The following FGF14 variants were observed in gnomAD, a reference collection of about 807,000 sequenced individuals.
The protein encoded by FGF14 is fibroblast growth factor homologous factor 4.
Under a neutral mutation model 25.5 loss-of-function variants are expected in FGF14, and 5 were observed. The observed-to-expected ratio is 0.20, with a 90% CI of 0.10 to 0.41. FGF14 has a LOEUF of 0.41. Ranked by LOEUF, FGF14 falls within the 10% of genes least tolerant of loss-of-function variation. The pLI is 1.00. For synonymous variants in FGF14, 138 were observed against 118.3 expected, an observed-to-expected ratio of 1.17 and a Z score of -1.08; for missense variants, 222 against 320.1, an observed-to-expected ratio of 0.69 and a Z score of 2.34.
chr13:102,148,051 A>G (rs1366047962), intron 1 of FGF14, among the ~76,000 whole-genome samples: 4 of 152,202 alleles, frequency 2.6e-5, no homozygotes, highest in Non-Finnish European at 5.9e-5. Context: ...ATCTGAATTA[A>G]AATGTTTTGC....
At chr13:102,297,375 G>C (rs1306989542) in intron 1 of FGF14, among the ~76,000 whole-genome samples, 1 of 152,052 alleles carries the variant, frequency 6.6e-6, no homozygotes, top group Non-Finnish European at 1.5e-5. Flanking sequence ...AACTGGAACA[G>C]GAAAAGGACA....
intron 3 of FGF14, among the ~76,000 whole-genome samples, chr13:101,804,818 G>T (rs374252820): frequency 1.3e-5 from 2 of 151,904 alleles, no homozygotes; most frequent in African/African-American, 2.4e-5. Flanking sequence ...GAATTGTTTC[G>T]CATTTAAGAA....
intron 1 of FGF14, among the ~76,000 whole-genome samples, chr13:102,158,022 C>G (rs1402533251): frequency 6.6e-6 from 1 of 152,158 alleles, no homozygotes; most frequent in African/African-American, 2.4e-5. Flanking sequence ...CAGGAAAAAG[C>G]AGGTGCTGGA....
chr13:101,963,226 C>T (rs569688289), intron 1 of FGF14, among the ~76,000 whole-genome samples: 3 of 152,344 alleles, frequency 2.0e-5, no homozygotes, highest in South Asian at 2.1e-4. Context: ...ACGATTGCTT[C>T]GTGTTTTCAC....
intron 1 of FGF14, among the ~76,000 whole-genome samples, chr13:101,915,273 G>A (rs1268061578): frequency 6.6e-6 from 1 of 152,066 alleles, no homozygotes; most frequent in African/African-American, 2.4e-5. Context: ...TCATCAATTT[G>A]CAAATGTAAG....
chr13:102,297,022 T>C (rs559800809), intron 1 of FGF14, among the ~76,000 whole-genome samples: 9 of 152,142 alleles, frequency 5.9e-5, no homozygotes, highest in Admixed American at 1.3e-4. Context: ...AAAAAAGTAA[T>C]TTTACAGTGG....
chr13:101,887,898 C>T (rs938651309), intron 1 of FGF14, among the ~76,000 whole-genome samples: 6 of 152,064 alleles, frequency 3.9e-5, no homozygotes, highest in Admixed American at 2.0e-4. Flanking sequence ...AAAATGCTTG[C>T]TATAGATACA....
chr13:102,090,666 C>A (rs150418829), intron 1 of FGF14, among the ~76,000 whole-genome samples: 1 of 152,208 alleles, frequency 6.6e-6, no homozygotes, highest in South Asian at 2.1e-4. Context: ...GTGCCTTTTT[C>A]GCTTTCAGAA....
intron 1 of FGF14, among the ~76,000 whole-genome samples, chr13:102,371,505 G>A (rs2057883003): frequency 6.6e-6 from 1 of 152,076 alleles, no homozygotes; most frequent in Admixed American, 6.5e-5. Flanking sequence ...ACCTCCATCA[G>A]ACTACTTTTT....
At chr13:102,151,417 C>A (rs1266960737) in intron 1 of FGF14, among the ~76,000 whole-genome samples, 2 of 152,104 alleles carry the variant, frequency 1.3e-5, no homozygotes, top group Non-Finnish European at 2.9e-5. Context: ...ATTTTAAAAG[C>A]CCCCTACTCC....
At chr13:102,098,737 G>A (rs1188267209) in intron 1 of FGF14, among the ~76,000 whole-genome samples, 3 of 152,164 alleles carry the variant, frequency 2.0e-5, no homozygotes, top group African/African-American at 2.4e-5. Context: ...TTTTGGAGAG[G>A]ACCTATCAGG....
chr13:102,285,685 C>T (rs1216439695), intron 1 of FGF14, among the ~76,000 whole-genome samples: 1 of 152,136 alleles, frequency 6.6e-6, no homozygotes, highest in Non-Finnish European at 1.5e-5. Context: ...ATCTTGATGC[C>T]TTTTAATACA....
chr13:102,109,865 C>G (rs952078566), intron 1 of FGF14, among the ~76,000 whole-genome samples: 1 of 152,178 alleles, frequency 6.6e-6, no homozygotes, highest in Non-Finnish European at 1.5e-5. Flanking sequence ...GGTGATCTGC[C>G]TGCCTCGGCC....
At position 102,051,052 on chromosome 13, in the gene FGF14, A is replaced by G. The variant is rs115500255; in HGVS notation, c.209-175756T>C. On this transcript the variant is annotated intron_variant, in intron 1 of 4. Coordinates refer to the FGF14 transcript ENST00000376131. Reference sequence around the variant, plus strand: ...CCAAACCACCATTTATCTCAGTCTCAGAGCTGTGGTCAATATGCAAGTGCC... The same window carrying G: ...CCAAACCACCATTTATCTCAGTCTCGGAGCTGTGGTCAATATGCAAGTGCC... Among the ~76,000 whole-genome samples the G allele has an allele frequency of 1.0e-2, 1,523 of 152,328 alleles. 22 individuals are homozygous for G. Among genetic ancestry groups the G allele is most frequent in the African/African-American group, 0.034 (1,433 of 41,574 alleles).
Position 101,954,386 on chromosome 13 carries a change from T to A in FGF14, c.209-79090A>T, listed in dbSNP as rs561885595. The stretch of plus-strand genomic sequence containing the variant: ...TCAAATAATGTCCCTGGTCTAAAGT[T>A]TTATTTCATTGTAGCACTATGGGCT... On this transcript the variant is annotated intron_variant, in intron 1 of 4. Transcript: ENST00000376131. Among the ~76,000 whole-genome samples, 95 of 152,252 alleles carry A rather than the reference T, an allele frequency of 6.2e-4. 1 individual carries two copies. In the South Asian group the frequency reaches 0.019, roughly 31 times the overall value.
intron 1 of FGF14, among the ~76,000 whole-genome samples, chr13:101,897,859 A>G (rs2030930851): frequency 6.6e-6 from 1 of 152,166 alleles, no homozygotes. Context: ...TGCTCAAAGT[A>G]AATGTTCATT....
At chr13:101,962,299 T>C (rs1158911958) in intron 1 of FGF14, among the ~76,000 whole-genome samples, 1 of 152,190 alleles carries the variant, frequency 6.6e-6, no homozygotes, top group Non-Finnish European at 1.5e-5. Flanking sequence ...TATTCCTAGG[T>C]ATTTGATTCT....
rs562120050 is a variant in FGF14 at position 102,234,858 on chromosome 13, G to A, written c.208+166613C>T. Among the ~76,000 whole-genome samples the A allele has an allele frequency of 3.3e-5, 5 of 152,290 alleles. No individual in the cohort carries two copies. In the East Asian group the frequency reaches 9.6e-4, roughly 29 times the overall value. On this transcript the variant is annotated intron_variant, in intron 1 of 4. Transcript: ENST00000376131. ...GAATTCCATTTACTTTCTGTGTATG[G>A]AGAAGCCATGTGTAGAAAAGACTGT...
intron 1 of FGF14, among the ~76,000 whole-genome samples, chr13:102,053,937 T>C (rs61966531): frequency 2.0e-5 from 3 of 152,140 alleles, no homozygotes; most frequent in Admixed American, 6.5e-5. Context: ...TCCTGGCACA[T>C]AGTACTCACT....
Sources: allele counts gnomAD v4.1 joint callset (sites outside exome capture counted in the v4.1 genomes callset), GRCh38; gene constraint gnomAD v4.1.1; transcripts MANE v1.5; gene names NCBI Gene and HGNC (gene_info 2026-07-23, HGNC 2026-07-21).